Variants in GALNT13 observed in about 807,000 individuals in gnomAD.
GALNT13 encodes the protein UDP-GalNAc:polypeptide N-acetylgalactosaminyltransferase 13.
In GALNT13, 28 loss-of-function variants were observed where a neutral mutation model predicts 64.2. The observed-to-expected ratio is 0.44, with a 90% CI of 0.32 to 0.60. GALNT13 has a LOEUF of 0.60. Among genes scored for constraint, GALNT13 ranks in the 20% least tolerant of loss-of-function variants. The probability of loss-of-function intolerance (pLI) is 0.05; values close to 1 mark genes in which losing one functional copy is unlikely to be tolerated. For synonymous variants in GALNT13, 214 were observed against 224.6 expected (o/e 0.95, Z 0.42); for missense variants, 577 against 669.8 (o/e 0.86, Z 1.53).
chr2:153,723,479 A>C, the GALNT13 span, among the ~76,000 whole-genome samples: 6 of 148,542 alleles, frequency 4.0e-5, no homozygotes, highest in African/African-American at 1.3e-4. Context: ...GAAGGAAATA[A>C]AGGGTATTCA....
At chr2:154,127,342 C>CA (rs532511184) in intron 3 of GALNT13, among the ~76,000 whole-genome samples, 114 of 152,134 alleles carry the variant, frequency 7.5e-4, no homozygotes, top group African/African-American at 2.6e-3. Flanking sequence ...GCTACTGTGC[C>CA]ATAATAAACT....
chr2:153,114,657 A>T, the GALNT13 span, among the ~76,000 whole-genome samples: 1 of 152,212 alleles, frequency 6.6e-6, no homozygotes, highest in Non-Finnish European at 1.5e-5. Flanking sequence ...TGACAGGCTA[A>T]TGGGAACCCA....
At chr2:153,641,926 AT>A in the GALNT13 span, among the ~76,000 whole-genome samples, 59 of 152,082 alleles carry the variant, frequency 3.9e-4, 2 homozygotes, top group East Asian at 0.011. Context: ...TAATTATAAA[AT>A]ATATGTCATA....
the GALNT13 span, among the ~76,000 whole-genome samples, chr2:153,223,164 A>C: frequency 6.6e-6 from 1 of 152,256 alleles, no homozygotes; most frequent in Non-Finnish European, 1.5e-5. Flanking sequence ...ACAGAGCATC[A>C]AAAGGACAGG....
chr2:154,157,456 T>C (rs1049043419), intron 4 of GALNT13, among the ~76,000 whole-genome samples: 2 of 152,138 alleles, frequency 1.3e-5, no homozygotes, highest in African/African-American at 4.8e-5. Context: ...CAAGCAATCC[T>C]CCTACCTCAG....
At chr2:153,310,513 C>T in the GALNT13 span, among the ~76,000 whole-genome samples, 1 of 152,044 alleles carries the variant, frequency 6.6e-6, no homozygotes, top group African/African-American at 2.4e-5. Flanking sequence ...AGGTGAAGAC[C>T]TTTATAATAT....
At chr2:153,623,370 T>C in the GALNT13 span, among the ~76,000 whole-genome samples, 1 of 152,098 alleles carries the variant, frequency 6.6e-6, no homozygotes, top group African/African-American at 2.4e-5. Context: ...TCTTGAAATA[T>C]AAAATTGTAG....
At chr2:153,069,534 T>G in the GALNT13 span, among the ~76,000 whole-genome samples, 4 of 152,272 alleles carry the variant, frequency 2.6e-5, no homozygotes, top group Admixed American at 2.0e-4. Context: ...ATCCTCAGAA[T>G]TATTTGAATC....
chr2:154,024,342 A>ATG (rs1558915600), intron 3 of GALNT13, among the ~76,000 whole-genome samples: 9 of 151,658 alleles, frequency 5.9e-5, no homozygotes, highest in South Asian at 4.1e-4. Flanking sequence ...CCAATCAGAC[A>ATG]TAGATTTGGT....
intron 10 of GALNT13, among the ~76,000 whole-genome samples, chr2:154,403,456 A>T (rs1378100745): frequency 6.8e-6 from 1 of 146,448 alleles, no homozygotes; most frequent in African/African-American, 2.5e-5. Context: ...ACTCCGTCTC[A>T]AAAAAAAAAA....
the GALNT13 span, among the ~76,000 whole-genome samples, chr2:153,799,010 A>T: frequency 6.6e-6 from 1 of 152,118 alleles, no homozygotes; most frequent in Non-Finnish European, 1.5e-5. Flanking sequence ...TTTGTTTACT[A>T]GTTCTAATAG....
At chr2:153,457,317 T>C in the GALNT13 span, among the ~76,000 whole-genome samples, 2 of 152,218 alleles carry the variant, frequency 1.3e-5, no homozygotes, top group African/African-American at 2.4e-5. Flanking sequence ...ATTAGGAAAA[T>C]GTCTGCCTAC....
intron 3 of GALNT13, among the ~76,000 whole-genome samples, chr2:154,070,932 A>G (rs918141069): frequency 6.6e-6 from 1 of 151,870 alleles, no homozygotes; most frequent in Non-Finnish European, 1.5e-5. Context: ...AAAAAAAAAG[A>G]AAAAAGGAAA....
chr2:154,096,566 T>C (rs1702080912), intron 3 of GALNT13, among the ~76,000 whole-genome samples: 1 of 152,076 alleles, frequency 6.6e-6, no homozygotes, highest in African/African-American at 2.4e-5. Context: ...TCTTCTCAAC[T>C]GATATTCTTG....
At chr2:153,827,085 A>G in the GALNT13 span, among the ~76,000 whole-genome samples, 1 of 152,028 alleles carries the variant, frequency 6.6e-6, no homozygotes, top group Admixed American at 6.5e-5. Context: ...GTCTCACATG[A>G]TTGTAGAGGC....
intron 2 of GALNT13, among the ~76,000 whole-genome samples, chr2:153,913,926 A>T (rs1020831611): frequency 2.0e-5 from 3 of 152,168 alleles, no homozygotes; most frequent in African/African-American, 4.8e-5. Flanking sequence ...GGGGTAGGCA[A>T]GATATATCTT....
chr2:153,663,360 G>C, the GALNT13 span, among the ~76,000 whole-genome samples: 1 of 152,066 alleles, frequency 6.6e-6, no homozygotes, highest in Admixed American at 6.5e-5. Context: ...ACTTTAAGTG[G>C]GTAAGAGGAG....
chr2:154,009,438 A>G (rs899841989), intron 3 of GALNT13, among the ~76,000 whole-genome samples: 2 of 150,678 alleles, frequency 1.3e-5, no homozygotes, highest in Non-Finnish European at 2.9e-5. Context: ...TTCTGTGAAG[A>G]TTGTCCACTG....
chr2:153,550,180 TA>T, the GALNT13 span, among the ~76,000 whole-genome samples: 2 of 152,186 alleles, frequency 1.3e-5, no homozygotes, highest in African/African-American at 4.8e-5. Flanking sequence ...TTATCTGTGT[TA>T]TTTCCATACA....
Sources: gnomAD v4.1 joint callset for allele counts (sites outside exome capture counted in the v4.1 genomes callset) on GRCh38, gnomAD v4.1.1 for gene constraint, MANE v1.5 for transcripts, NCBI Gene and HGNC (gene_info 2026-07-23, HGNC 2026-07-21) for gene names.